The following AP3B2 variants were observed in gnomAD, a reference collection of about 807,000 sequenced individuals.
The protein encoded by AP3B2 is adaptor related protein complex 3 subunit beta 2.
A neutral mutation model predicts 126.9 loss-of-function variants in AP3B2; 50 were observed. The ratio of observed to expected loss-of-function variants is 0.39; its 90% CI spans 0.31 to 0.50. The LOEUF (loss-of-function observed/expected upper bound fraction) is 0.50, where lower values mean the gene tolerates loss of function less well. AP3B2 is among the 20% of genes least tolerant of loss of function. AP3B2 has a pLI of 0.79. For synonymous variants in AP3B2, 541 were observed against 565.0 expected (o/e 0.96, Z 0.60); for missense variants, 1,177 against 1,426.4 (o/e 0.83, Z 2.82).
At position 82,662,215 on chromosome 15, in the gene AP3B2, C is replaced by A; in HGVS notation, c.2871G>T (p.Met957Ile). 6.2e-7 allele frequency: 1 copy of A among 1,603,850 alleles called. No homozygotes were observed. Among genetic ancestry groups the A allele is most frequent in the Non-Finnish European group, 8.5e-7 (1 of 1,175,116 alleles). The stretch of plus-strand genomic sequence containing the variant: ...GGGTTGAGTCACAGAAATTAATGCC[C>A]ATTACAGCAGTGGCAGATTCTCCAG... Reference protein sequence around the residue: ...LAPGESATAVMGINFCDSTQA... With the variant: ...LAPGESATAVIGINFCDSTQA... Residue 957 changes from methionine (M) to isoleucine (I), a missense_variant, in exon 24 of 27, where the codon ATG becomes ATT. By Grantham distance (10) the Met-to-Ile change is conservative. Transcript: ENST00000535359.
intron 1 of AP3B2, among the ~76,000 whole-genome samples, chr15:82,694,899 A>G (rs566699348): frequency 3.3e-5 from 5 of 152,084 alleles, no homozygotes; most frequent in Admixed American, 1.3e-4. Context: ...AGAGCTCCTA[A>G]AACTCTTGAC....
Position 82,663,836 on chromosome 15 carries a change from C to T in AP3B2, c.2401G>A (p.Glu801Lys), listed in dbSNP as rs747320940. 8.7e-6 allele frequency: 14 copies of T among 1,613,732 alleles called. No individual in the cohort carries two copies. Among genetic ancestry groups the T allele is most frequent in the South Asian group, 2.2e-5 (2 of 91,026 alleles). Residue 801 changes from glutamate to lysine, a missense_variant, in exon 20 of 27, where the codon GAG becomes AAG. Transcript: ENST00000535359. Reference sequence around the variant, plus strand: ...CTCCAGGAGGCAGGTTCTAACTGCTCCTCCTCGGACTCCGATGTCATCTCG... The same window carrying T: ...CTCCAGGAGGCAGGTTCTAACTGCTTCTCCTCGGACTCCGATGTCATCTCG... ...ESEMTSESEE[E>K]QLEPASWSRK...
At chr15:82,708,326 G>A (rs1348909016) in intron 1 of AP3B2, among the ~76,000 whole-genome samples, 2 of 151,674 alleles carry the variant, frequency 1.3e-5, no homozygotes, top group Non-Finnish European at 2.9e-5. Flanking sequence ...GGACTCAGCT[G>A]GCCTGCACCC....
intron 4 of AP3B2, among the ~76,000 whole-genome samples, chr15:82,683,970 G>A (rs959045944): frequency 1.3e-5 from 2 of 152,166 alleles, no homozygotes; most frequent in Non-Finnish European, 2.9e-5. Flanking sequence ...AAAAAATTCA[G>A]TAAACCATAA....
Position 82,681,738 on chromosome 15 carries a change from G to A in AP3B2, c.361-158C>T, listed in dbSNP as rs1175925478. On this transcript the variant is annotated intron_variant, in intron 4 of 26. Coordinates refer to ENST00000535359, the MANE Select transcript of AP3B2 (RefSeq NM_001278512.2). The surrounding 1 kb of genome is among the most constrained non-coding windows in gnomAD (Gnocchi z 4.0). ...TGGTGTGCCAGTGATGGGTATCTGG[G>A]GGACACTTAATTTTGGCTCTGGTTG... The A allele has an allele frequency of 2.4e-5, 19 of 792,296 alleles. No homozygotes were observed. Among genetic ancestry groups the A allele is most frequent in the Middle Eastern group, 3.7e-4 (1 of 2,710 alleles). 49.1% of individuals were successfully genotyped at this position (792,296 alleles called of 1,614,324 possible). A position where few individuals can be genotyped will look rare whatever the true frequency, so the allele number is the denominator to read the frequency against.
chr15:82,699,709 T>C (rs1156773457), intron 1 of AP3B2: 7 of 399,630 alleles, frequency 1.8e-5, no homozygotes, highest in African/African-American at 4.1e-5. Flanking sequence ...CGTGTCTTCC[T>C]CCTGGGCCTG....
At chr15:82,670,403 C>A (rs2048136821) in intron 14 of AP3B2, among the ~76,000 whole-genome samples, 1 of 152,186 alleles carries the variant, frequency 6.6e-6, no homozygotes, top group African/African-American at 2.4e-5. Context: ...AGCCACCACG[C>A]CTGGCCGTGA....
At chr15:82,662,971 C>T in intron 22 of AP3B2, 49 bp from the exon 23 acceptor site, 1 of 1,572,770 alleles carries the variant, frequency 6.4e-7, no homozygotes, top group Non-Finnish European at 8.6e-7. Flanking sequence ...ATGGAGAGAG[C>T]CTGTCCCAGC....
chr15:82,662,072 T>A (rs2047960361), intron 24 of AP3B2, 96 bp downstream of exon 24: 2 of 1,345,326 alleles, frequency 1.5e-6, no homozygotes, highest in Non-Finnish European at 1.0e-6. Context: ...CCAATCATGA[T>A]GTATCCCCAC....
In AP3B2 at chr15:82,664,106, C is replaced by CGA. The variant is rs2048008451; in HGVS notation, c.2262-132_2262-131insTC. ...GCCAGGAGGGTTCACACCTGAGGTC[C>CGA]TATAGCAGGGACCCCGTGAGAGCTT... On this transcript the variant is annotated intron_variant, in intron 19 of 26. Transcript: ENST00000535359. The surrounding 1 kb of genome is among the most constrained non-coding windows in gnomAD (Gnocchi z 4.5). 1.4e-6 allele frequency: 2 copies of CGA among 1,418,974 alleles called. No individual in the cohort carries two copies. Among genetic ancestry groups the CGA allele is most frequent in the African/African-American group, 2.9e-5 (2 of 69,568 alleles). The allele number at this position is 1,418,974 out of a possible 1,614,324, so 87.9% of individuals were successfully genotyped here.
At position 82,662,859 on chromosome 15, in the gene AP3B2, G is replaced by A; in HGVS notation, c.2668C>T (p.Leu890=). The change falls in exon 23 of 27, where the codon CTG becomes TTG. Residue 890 remains leucine (L), a synonymous_variant. Coordinates refer to ENST00000535359, the MANE Select transcript of AP3B2 (RefSeq NM_001278512.2). The stretch of plus-strand genomic sequence containing the variant: ...CGGCTGAAGGTGTAGTCCACAGCCA[G>A]CCCCTCGCCAGCTACCCGGTGCAGC... ...ELLHRVAGEG[L]AVDYTFSRQP... 1 of 1,613,644 alleles carries A rather than the reference G, an allele frequency of 6.2e-7. No homozygotes were observed. Among genetic ancestry groups the A allele is most frequent in the East Asian group, 2.2e-5 (1 of 44,876 alleles).
chr15:82,663,949 C>G lies in AP3B2; in HGVS notation c.2288G>C (p.Arg763Thr), dbSNP rs762074311. The G allele has an allele frequency of 5.0e-6, 8 of 1,606,760 alleles. No homozygotes were observed. Among genetic ancestry groups the G allele is most frequent in the Non-Finnish European group, 6.8e-6 (8 of 1,179,790 alleles). ...CTCTGGCACCTTCTTCTTTGTCTTCCTCTTACCATCCTCCTCACTCTGTTC... is the reference window on the plus strand; with the variant it reads ...CTCTGGCACCTTCTTCTTTGTCTTCGTCTTACCATCCTCCTCACTCTGTTC... ...ESEQSEEDGKRKTKKKVPERK... is the reference protein window; with the variant it reads ...ESEQSEEDGKTKTKKKVPERK... The change falls in exon 20 of 27, where the codon AGG becomes ACG. Residue 763 changes from arginine (R) to threonine (T), a missense_variant. Physicochemically the swap from Arg to Thr is moderately conservative, Grantham distance 71. This residue lies in a region of AP3B2 where 587 missense variants were observed against 571.3 expected (regional missense o/e 1.03). Coordinates refer to ENST00000535359, the MANE Select transcript of AP3B2 (RefSeq NM_001278512.2).
chr15:82,678,527 C>T (rs920679872), intron 10 of AP3B2, among the ~76,000 whole-genome samples: 1 of 152,138 alleles, frequency 6.6e-6, no homozygotes, highest in African/African-American at 2.4e-5. Context: ...CACTGTCCCC[C>T]TTGTCTTCCA....
rs540942133 is a variant in AP3B2, at chr15:82,672,260, AG to A, written c.1665+4200del. Among the ~76,000 whole-genome samples, 24 of 152,358 alleles carry A rather than the reference AG, an allele frequency of 1.6e-4. No homozygotes were observed. The East Asian group carries it at 4.4e-3, about 28-fold the overall frequency. Reference sequence around the variant, plus strand: ...AAAATACGGTACATATGCACAATGCAGTACTATAAAAAAAGAATAAAAAAGA... The same window carrying A: ...AAAATACGGTACATATGCACAATGCATACTATAAAAAAAGAATAAAAAAGA... On this transcript the variant is annotated intron_variant, in intron 14 of 26. Transcript: ENST00000535359.
intron 1 of AP3B2, among the ~76,000 whole-genome samples, chr15:82,701,166 C>T (rs1174016102): frequency 6.6e-6 from 1 of 152,118 alleles, no homozygotes; most frequent in Admixed American, 6.6e-5. Flanking sequence ...CAGTCTCCAT[C>T]TGCATTTATA....
chr15:82,705,462 C>T (rs1366291874), intron 1 of AP3B2, among the ~76,000 whole-genome samples: 2 of 152,124 alleles, frequency 1.3e-5, no homozygotes, highest in Non-Finnish European at 2.9e-5. Context: ...CAATACCTCC[C>T]TCCACAACCC....
chr15:82,683,047 G>GTTTTTTT (rs61213011), intron 4 of AP3B2, among the ~76,000 whole-genome samples: 3,955 of 77,712 alleles, frequency 0.051, 896 homozygotes, highest in Non-Finnish European at 0.079. Context: ...TGCACCAGGA[G>GTTTTTTT]TTTTTTTTTT....
chr15:82,698,823 C>A (rs2048670146), intron 1 of AP3B2, among the ~76,000 whole-genome samples: 1 of 152,112 alleles, frequency 6.6e-6, no homozygotes. Flanking sequence ...CCCACCCAGC[C>A]TAGTGAGTAC....
chr15:82,676,724 C>T, intron 13 of AP3B2, 87 bp from the exon 14 acceptor site: 4 of 1,351,878 alleles, frequency 3.0e-6, no homozygotes, highest in Non-Finnish European at 4.1e-6. Context: ...CAGCACTCCT[C>T]ATCTGTGCTG....
Sources: allele counts gnomAD v4.1 joint callset (sites outside exome capture counted in the v4.1 genomes callset), GRCh38; gene constraint gnomAD v4.1.1; regional missense constraint gnomAD v4.1.1; non-coding constraint Gnocchi (gnomAD v3.1); transcripts MANE v1.5; gene names NCBI Gene and HGNC (gene_info 2026-07-23, HGNC 2026-07-21).